GBE1: variants seen among roughly 807,000 people sequenced by gnomAD.
GBE1 encodes 1,4-alpha-glucan-branching enzyme.
GBE1 carries 70 observed loss-of-function variants against 88.8 expected under a neutral mutation model. The observed-to-expected ratio is 0.79, with a 90% CI of 0.65 to 0.96. The LOEUF (loss-of-function observed/expected upper bound fraction) is 0.96. Among genes scored for constraint, GBE1 ranks in the 40% least tolerant of loss-of-function variants. The probability of loss-of-function intolerance (pLI) is 0.00; values close to 1 mark genes in which losing one functional copy is unlikely to be tolerated. For missense variants in GBE1, 872 were observed against 871.0 expected, an observed-to-expected ratio of 1.00 and a Z score of -0.01; for synonymous variants, 284 against 300.1, an observed-to-expected ratio of 0.95 and a Z score of 0.56.
intron 2 of GBE1, among the ~76,000 whole-genome samples, chr3:81,685,482 A>T: frequency 6.6e-6 from 1 of 152,058 alleles, no homozygotes. Context: ...CCCAGGTTCA[A>T]GCAGTTCTCC....
chr3:81,667,788 G>A (rs1482946662), intron 3 of GBE1, among the ~76,000 whole-genome samples: 1 of 152,192 alleles, frequency 6.6e-6, no homozygotes, highest in Admixed American at 6.5e-5. Flanking sequence ...GCATCCCGGG[G>A]ATGAAACTAA....
At chr3:81,634,061 T>C (rs1704556449) in intron 7 of GBE1, among the ~76,000 whole-genome samples, 1 of 152,124 alleles carries the variant, frequency 6.6e-6, no homozygotes, top group South Asian at 2.1e-4. Flanking sequence ...TTCGAAATGG[T>C]TTGTGAATGG....
chr3:81,632,769 C>A (rs915629414), intron 7 of GBE1, among the ~76,000 whole-genome samples: 4 of 152,062 alleles, frequency 2.6e-5, no homozygotes, highest in Admixed American at 6.6e-5. Context: ...TTGAACATGA[C>A]TTGAAGTTTA....
intron 12 of GBE1, 136 bp downstream of exon 12, chr3:81,577,789 C>A: frequency 1.6e-6 from 1 of 638,574 alleles, no homozygotes; most frequent in Non-Finnish European, 2.5e-6. Context: ...GCAATTTACA[C>A]GACAGTATAT....
At chr3:81,618,722 G>A (rs1487320487) in intron 7 of GBE1, among the ~76,000 whole-genome samples, 1 of 152,104 alleles carries the variant, frequency 6.6e-6, no homozygotes. Context: ...TAAGAGGTTA[G>A]AAATGAATTT....
intron 11 of GBE1, among the ~76,000 whole-genome samples, chr3:81,579,587 G>C (rs561707002): frequency 2.0e-5 from 3 of 152,214 alleles, no homozygotes; most frequent in Non-Finnish European, 4.4e-5. Context: ...CAAGGAGTTT[G>C]CAATAGAAAG....
intron 12 of GBE1, among the ~76,000 whole-genome samples, chr3:81,563,914 G>T (rs1383123858): frequency 2.0e-5 from 3 of 151,060 alleles, no homozygotes; most frequent in African/African-American, 7.3e-5. Context: ...AGGGAGGGAG[G>T]GAGGGAGTGA....
intron 8 of GBE1, among the ~76,000 whole-genome samples, chr3:81,591,742 T>C (rs1703880254): frequency 6.6e-6 from 1 of 152,182 alleles, no homozygotes; most frequent in African/African-American, 2.4e-5. Flanking sequence ...ACTTGGGTTA[T>C]ACCATTTACT....
At chr3:81,559,110 C>T (rs1026077120) in intron 12 of GBE1, among the ~76,000 whole-genome samples, 24 of 151,832 alleles carry the variant, frequency 1.6e-4, no homozygotes, top group African/African-American at 5.3e-4. Flanking sequence ...TTTAGCTACT[C>T]GAGAAGTATT....
intron 3 of GBE1, chr3:81,654,732 T>TCAAA (rs2107084423): frequency 6.6e-6 from 1 of 152,360 alleles, no homozygotes; most frequent in African/African-American, 2.4e-5. Context: ...AAGTGAATTA[T>TCAAA]CAAACAAGTG....
chr3:81,687,861 G>C (rs1182965037), intron 2 of GBE1, among the ~76,000 whole-genome samples: 9 of 152,154 alleles, frequency 5.9e-5, no homozygotes. Flanking sequence ...AGATCGAGAC[G>C]CCCCATTCAG....
chr3:81,708,932 C>T (rs903427937), intron 1 of GBE1, among the ~76,000 whole-genome samples: 1 of 152,024 alleles, frequency 6.6e-6, no homozygotes, highest in African/African-American at 2.4e-5. Context: ...ACTGAACCAC[C>T]CCAAGGAGCC....
chr3:81,603,217 T>C lies in GBE1; in HGVS notation c.993-9194A>G, dbSNP rs543325463. Among the ~76,000 whole-genome samples the C allele has an allele frequency of 5.9e-5, 9 of 152,294 alleles. No homozygotes were observed. The East Asian group carries it at 1.5e-3, about 26-fold the overall frequency. On this transcript the variant is annotated intron_variant, in intron 7 of 15. Coordinates refer to ENST00000429644, the MANE Select transcript of GBE1 (RefSeq NM_000158.4). The stretch of plus-strand genomic sequence containing the variant: ...ATCCTAGGAATTGCTTATAATTCAT[T>C]AAATATACATATTTATATACGATTT...
In GBE1 at chr3:81,738,154, G is replaced by T. The variant is rs1258115478; in HGVS notation, c.143+23221C>A. ...CATTTTCTTAATCCAGTCTATCATT[G>T]TTGGACATTTGGGTTGGTTCCAAGT... On this transcript the variant is annotated intron_variant, in intron 1 of 15. Coordinates refer to ENST00000429644, the MANE Select transcript of GBE1 (RefSeq NM_000158.4). Among the ~76,000 whole-genome samples the T allele has an allele frequency of 7.3e-5, 11 of 151,628 alleles. No individual in the cohort carries two copies. In the East Asian group the frequency reaches 9.7e-4, roughly 13 times the overall value.
chr3:81,737,659 CTTTT>C (rs1209986766), intron 1 of GBE1, among the ~76,000 whole-genome samples: 2 of 150,286 alleles, frequency 1.3e-5, no homozygotes, highest in Non-Finnish European at 3.0e-5. Context: ...TTTATGTCTT[CTTTT>C]TTTAAGTTAA....
intron 1 of GBE1, among the ~76,000 whole-genome samples, chr3:81,748,490 A>G (rs1484188804): frequency 2.6e-5 from 4 of 151,812 alleles, no homozygotes; most frequent in Non-Finnish European, 4.4e-5. Flanking sequence ...GGGCGCCTGT[A>G]GTCCCAGCTA....
chr3:81,640,287 C>T (rs181073015), intron 7 of GBE1, among the ~76,000 whole-genome samples: 3 of 151,942 alleles, frequency 2.0e-5, no homozygotes, highest in African/African-American at 7.2e-5. Flanking sequence ...CGGTGGGCAC[C>T]ATCTCATCAG....
At chr3:81,698,953 T>C (rs1156481213) in intron 2 of GBE1, among the ~76,000 whole-genome samples, 1 of 152,204 alleles carries the variant, frequency 6.6e-6, no homozygotes, top group Non-Finnish European at 1.5e-5. Context: ...CCAAAGGAAG[T>C]ACTGCAAAAC....
chr3:81,572,588 T>C (rs1427129501), intron 12 of GBE1, among the ~76,000 whole-genome samples: 1 of 152,224 alleles, frequency 6.6e-6, no homozygotes, highest in Non-Finnish European at 1.5e-5. Flanking sequence ...CTACCTTGCC[T>C]GTCAATATTT....
Sources: allele counts gnomAD v4.1 joint callset (sites outside exome capture counted in the v4.1 genomes callset), GRCh38; gene constraint gnomAD v4.1.1; transcripts MANE v1.5; gene names NCBI Gene and HGNC (gene_info 2026-07-23, HGNC 2026-07-21).